GREB1: variants seen among roughly 807,000 people sequenced by gnomAD.
GREB1 encodes the protein protein GREB1.
A neutral mutation model predicts 200.7 loss-of-function variants in GREB1; 106 were observed. The ratio of observed to expected loss-of-function variants is 0.53; its 90% confidence interval spans 0.45 to 0.62. GREB1 has a LOEUF of 0.62. Among genes scored for constraint, GREB1 ranks in the 20% least tolerant of loss-of-function variants. The pLI is 0.00. For synonymous variants in GREB1, 1,132 were observed against 1,092.4 expected (o/e 1.04, Z -0.72); for missense variants, 2,243 against 2,556.8 (o/e 0.88, Z 2.65).
chr2:11,574,110 A>G (rs949502370), intron 4 of GREB1, among the ~76,000 whole-genome samples: 14 of 152,322 alleles, frequency 9.2e-5, no homozygotes, highest in Admixed American at 6.5e-4. Context: ...ACATGAGGTT[A>G]TTCCTTCAGA....
chr2:11,595,188 G>A lies in GREB1; in HGVS notation c.1697-63G>A. On this transcript the variant is annotated intron_variant, in intron 11 of 32. Coordinates refer to ENST00000381486, the MANE Select transcript of GREB1 (RefSeq NM_014668.4). ...CTAGAAGGGTTAAGGGACTAGTCTA[G>A]GGCTACACAGCCCGTAAGCAGGGAA... The A allele has an allele frequency of 4.0e-6, 6 of 1,494,168 alleles. No individual in the cohort carries two copies. In the South Asian group the frequency reaches 7.3e-5, roughly 18 times the overall value. The allele number at this position is 1,494,168 out of a possible 1,614,324, so 92.6% of individuals were successfully genotyped here. A position where few individuals can be genotyped will look rare whatever the true frequency, so the allele number is the denominator to read the frequency against.
intron 17 of GREB1, 140 bp downstream of exon 17, chr2:11,602,682 G>C (rs1681889778): frequency 1.4e-6 from 1 of 696,072 alleles, no homozygotes. Context: ...AATGTACCCT[G>C]GTTTTTTCCT....
chr2:11,496,343 C>T (rs1330482542), intron 1 of GREB1, among the ~76,000 whole-genome samples: 1 of 152,154 alleles, frequency 6.6e-6, no homozygotes, highest in African/African-American at 2.4e-5. Context: ...TGAACCCTCT[C>T]GGTTTATATT....
intron 1 of GREB1, among the ~76,000 whole-genome samples, chr2:11,551,641 CT>C (rs1370673827): frequency 6.6e-6 from 1 of 152,236 alleles, no homozygotes; most frequent in East Asian, 1.9e-4. Context: ...GTTTTCGTGC[CT>C]TTGCACTCTC....
chr2:11,596,371 C>A, intron 13 of GREB1, 132 bp downstream of exon 13: 1 of 580,384 alleles, frequency 1.7e-6, no homozygotes, highest in Non-Finnish European at 2.8e-6. Context: ...GGCAGGGGCA[C>A]AGATGTGTAT....
chr2:11,540,149 G>A (rs763752996), intron 1 of GREB1: 19 of 152,318 alleles, frequency 1.2e-4, no homozygotes, highest in Non-Finnish European at 2.6e-4. Context: ...CCTGCTTTGG[G>A]GGTTGGAGAG....
At chr2:11,519,654 A>G (rs1210436819) in intron 1 of GREB1, among the ~76,000 whole-genome samples, 3 of 151,096 alleles carry the variant, frequency 2.0e-5, no homozygotes, top group Non-Finnish European at 3.0e-5. Flanking sequence ...ATGGGGTTTC[A>G]CCATGTTGCC....
At chr2:11,627,609 A>G (rs1340276355) in intron 25 of GREB1, among the ~76,000 whole-genome samples, 1 of 152,246 alleles carries the variant, frequency 6.6e-6, no homozygotes, top group South Asian at 2.1e-4. Flanking sequence ...ATGCCAGGCA[A>G]TGTGCCTAGG....
intron 32 of GREB1, among the ~76,000 whole-genome samples, chr2:11,639,804 GAC>G (rs1023813134): frequency 4.6e-5 from 7 of 152,184 alleles, no homozygotes; most frequent in Non-Finnish European, 7.4e-5. Flanking sequence ...AGCAGAGAGG[GAC>G]AGTGTGGAGG....
At chr2:11,635,225 T>C in intron 29 of GREB1, 45 bp from the exon 30 acceptor site, 1 of 1,611,910 alleles carries the variant, frequency 6.2e-7, no homozygotes, top group Non-Finnish European at 8.5e-7. Context: ...ACGGAGGGTG[T>C]GAGCTGTGCC....
At chr2:11,527,870 C>T (rs1286674922) in intron 1 of GREB1, among the ~76,000 whole-genome samples, 2 of 152,192 alleles carry the variant, frequency 1.3e-5, no homozygotes, top group Admixed American at 6.5e-5. Context: ...AACAAAGTCC[C>T]CCACATTTGT....
chr2:11,517,974 C>T (rs1487120006), intron 1 of GREB1, among the ~76,000 whole-genome samples: 1 of 152,210 alleles, frequency 6.6e-6, no homozygotes, highest in Non-Finnish European at 1.5e-5. Flanking sequence ...CTGGTAACTT[C>T]ACAATACCCG....
intron 31 of GREB1, among the ~76,000 whole-genome samples, chr2:11,638,132 GT>G: frequency 6.6e-6 from 1 of 150,940 alleles, no homozygotes; most frequent in Non-Finnish European, 1.5e-5. Context: ...CCAAACTTTT[GT>G]TTGTTTGTTT....
At chr2:11,607,842 A>C (rs1459069401) in intron 17 of GREB1, among the ~76,000 whole-genome samples, 1 of 152,130 alleles carries the variant, frequency 6.6e-6, no homozygotes, top group Non-Finnish European at 1.5e-5. Flanking sequence ...CTTGTAAAAG[A>C]ATAGGAAAGG....
chr2:11,600,391 A>G (rs1681676361), intron 15 of GREB1, among the ~76,000 whole-genome samples: 3 of 152,178 alleles, frequency 2.0e-5, no homozygotes, highest in Admixed American at 6.5e-5. Flanking sequence ...TGACTATAGA[A>G]TTTACTCTTT....
chr2:11,562,760 C>A, intron 3 of GREB1, 178 bp downstream of exon 3: 17 of 588,172 alleles, frequency 2.9e-5, no homozygotes, highest in South Asian at 1.7e-4. Flanking sequence ...GCCCGGCCTG[C>A]CCTCCTGAAA....
Position 11,620,964 on chromosome 2 carries a change from G to A in GREB1, c.4104G>A (p.Arg1368=). Residue 1368 remains arginine, a synonymous_variant, in exon 23 of 33, where the codon CGG becomes CGA. Transcript: ENST00000381486. The part of the protein sequence containing the change: ...FLSVLSRMLV[R]LTEVDVYDEE... ...GTGTCCTGTCCAGGATGCTTGTTCG[G>A]CTCACAGAAGTGGATGTCTATGACG... 1 of 1,612,454 alleles carries A rather than the reference G, an allele frequency of 6.2e-7. No homozygotes were observed. The highest frequency in any genetic ancestry group is 8.5e-7 in the Non-Finnish European group (1 of 1,178,480).
chr2:11,500,551 G>A (rs559244993), intron 1 of GREB1, among the ~76,000 whole-genome samples: 109 of 151,488 alleles, frequency 7.2e-4, no homozygotes, highest in African/African-American at 2.5e-3. Flanking sequence ...TGATCCACTC[G>A]CCTTGGCATC....
At chr2:11,619,294 T>C (rs1280701770) in intron 22 of GREB1, among the ~76,000 whole-genome samples, 1 of 152,146 alleles carries the variant, frequency 6.6e-6, no homozygotes, top group Non-Finnish European at 1.5e-5. Flanking sequence ...GAACTAGGGG[T>C]TCTGTTTCCC....
Sources: gnomAD v4.1 joint callset for allele counts (sites outside exome capture counted in the v4.1 genomes callset) on GRCh38, gnomAD v4.1.1 for gene constraint, MANE v1.5 for transcripts, NCBI Gene and HGNC (gene_info 2026-07-23, HGNC 2026-07-21) for gene names.